The following ABCA12 variants were observed in gnomAD, a reference collection of about 807,000 sequenced individuals.
ABCA12 encodes the protein glucosylceramide transporter ABCA12.
A neutral mutation model predicts 293.5 loss-of-function variants in ABCA12; 156 were observed. The observed-to-expected ratio is 0.53, with a 90% confidence interval of 0.47 to 0.61. The LOEUF (loss-of-function observed/expected upper bound fraction) is 0.61. Ranked by LOEUF, ABCA12 falls within the 20% of genes least tolerant of loss-of-function variation. ABCA12 has a pLI of 0.00. For missense variants in ABCA12, 2,797 were observed against 3,090.2 expected (o/e 0.91, Z 2.25); for synonymous variants, 1,063 against 1,108.0 (o/e 0.96, Z 0.81).
chr2:214,951,469 A>G (rs1698766578), intron 44 of ABCA12, among the ~76,000 whole-genome samples: 1 of 152,196 alleles, frequency 6.6e-6, no homozygotes, highest in South Asian at 2.1e-4. Flanking sequence ...CACCTTTTAA[A>G]AAAATCCTTT....
At chr2:215,074,801 G>A (rs1353962734) in intron 2 of ABCA12, among the ~76,000 whole-genome samples, 1 of 152,026 alleles carries the variant, frequency 6.6e-6, no homozygotes, top group Admixed American at 6.6e-5. Flanking sequence ...AATTAGCTGG[G>A]TGTGGTGGTG....
intron 29 of ABCA12, among the ~76,000 whole-genome samples, chr2:214,983,093 C>T (rs911683277): frequency 3.3e-5 from 5 of 152,192 alleles, no homozygotes; most frequent in South Asian, 2.1e-4. Flanking sequence ...AGGACAGTCA[C>T]GTGTGTAGCT....
In ABCA12 at chr2:215,052,559, A is replaced by T; in HGVS notation, c.435T>A (p.Ser145=). ...SLATVFPSPS[S]DLEIPGTYTF... ...TATATGTTCCGGGGATTTCCAAATC[A>T]GAACTTGGACTGGGAAATACTGTGG... is the stretch of plus-strand genomic sequence containing the variant. Residue 145 remains serine (S), a synonymous_variant, in exon 5 of 53, where the codon TCT becomes TCA. Coordinates refer to ENST00000272895, the MANE Select transcript of ABCA12 (RefSeq NM_173076.3). The T allele has an allele frequency of 6.2e-7, 1 of 1,612,596 alleles. No individual in the cohort carries two copies. Among genetic ancestry groups the T allele is most frequent in the Non-Finnish European group, 8.5e-7 (1 of 1,178,900 alleles).
intron 10 of ABCA12, among the ~76,000 whole-genome samples, chr2:215,026,102 G>T (rs1700739326): frequency 6.6e-6 from 1 of 152,144 alleles, no homozygotes; most frequent in Non-Finnish European, 1.5e-5. Context: ...GAAAGAATAG[G>T]TTATAGAATC....
chr2:214,932,868 C>A, intron 52 of ABCA12, 127 bp from the exon 53 acceptor site: 1 of 720,000 alleles, frequency 1.4e-6, no homozygotes, highest in Non-Finnish European at 2.4e-6. Context: ...GTATGCAGGC[C>A]CCTATAAAAT....
At chr2:214,979,519 C>T (rs1197700770) in intron 31 of ABCA12, among the ~76,000 whole-genome samples, 2 of 151,588 alleles carry the variant, frequency 1.3e-5, no homozygotes, top group Non-Finnish European at 2.9e-5. Flanking sequence ...TAAATATTTA[C>T]TAAAATATTA....
At chr2:214,991,135 G>A in intron 23 of ABCA12, 104 bp from the exon 24 acceptor site, 1 of 1,007,240 alleles carries the variant, frequency 9.9e-7, no homozygotes, top group Non-Finnish European at 1.5e-6. Context: ...CTCTGTATAT[G>A]GAACTAGGCA....
rs763274338 is a variant in ABCA12 at position 214,980,557 on chromosome 2, T to G, written c.4666A>C (p.Arg1556=). ...RIAFLEQGGL[R]CCGSPFYLKE... ...AGGTAAAATGGGGACCCACAGCACC[T>G]AAGCCCACCCTGCTCCAGGAAGGCG... Residue 1556 remains arginine, a synonymous_variant, in exon 31 of 53, where the codon AGG becomes CGG. Transcript: ENST00000272895. 1 of 1,614,046 alleles carries G rather than the reference T, an allele frequency of 6.2e-7. No individual in the cohort carries two copies. Among genetic ancestry groups the G allele is most frequent in the South Asian group, 1.1e-5 (1 of 91,078 alleles).
intron 15 of ABCA12, among the ~76,000 whole-genome samples, chr2:215,014,336 G>A (rs1700442581): frequency 6.7e-6 from 1 of 150,090 alleles, no homozygotes; most frequent in African/African-American, 2.5e-5. Flanking sequence ...TTACTGAAAA[G>A]GTCAATGTTA....
At chr2:214,951,534 A>G (rs182882654) in intron 44 of ABCA12, among the ~76,000 whole-genome samples, 40 of 152,304 alleles carry the variant, frequency 2.6e-4, no homozygotes, top group African/African-American at 9.4e-4. Flanking sequence ...AGGCCGACGG[A>G]TCACCTGAGG....
chr2:215,037,487 T>C (rs1490468885), intron 7 of ABCA12, among the ~76,000 whole-genome samples: 2 of 152,220 alleles, frequency 1.3e-5, no homozygotes, highest in Non-Finnish European at 2.9e-5. Context: ...CAGGAATAAT[T>C]ATTATTTAAG....
At chr2:215,044,715 C>T (rs1360272159) in intron 7 of ABCA12, among the ~76,000 whole-genome samples, 9 of 152,170 alleles carry the variant, frequency 5.9e-5, no homozygotes, top group Admixed American at 5.9e-4. Context: ...ATTTGACCTC[C>T]ATAAGGATTT....
At chr2:214,967,426 G>T (rs750529320) in intron 38 of ABCA12, among the ~76,000 whole-genome samples, 5 of 152,172 alleles carry the variant, frequency 3.3e-5, no homozygotes, top group Non-Finnish European at 7.4e-5. Context: ...ACTAATTTTT[G>T]ATTCCTAATT....
chr2:215,063,420 G>C (rs1434531954), intron 3 of ABCA12, among the ~76,000 whole-genome samples: 7 of 151,908 alleles, frequency 4.6e-5, no homozygotes, highest in Non-Finnish European at 1.5e-5. Flanking sequence ...AGACAGATAG[G>C]CTTCTGGGAG....
At chr2:214,965,005 C>A (rs1481572105) in intron 39 of ABCA12, among the ~76,000 whole-genome samples, 3 of 152,136 alleles carry the variant, frequency 2.0e-5, no homozygotes, top group Non-Finnish European at 2.9e-5. Context: ...ATCAAAAAAG[C>A]ATGGTACTGG....
At chr2:215,078,576 C>A (rs1426563307) in intron 2 of ABCA12, among the ~76,000 whole-genome samples, 1 of 151,496 alleles carries the variant, frequency 6.6e-6, no homozygotes, top group Non-Finnish European at 1.5e-5. Context: ...GATATTGATC[C>A]AGTCTGTGTG....
chr2:215,083,790 G>T (rs1256554505), intron 2 of ABCA12, among the ~76,000 whole-genome samples: 3 of 152,116 alleles, frequency 2.0e-5, no homozygotes, highest in African/African-American at 2.4e-5. Context: ...TCACTGAAAA[G>T]CTAAGTGGCA....
At chr2:214,976,147 T>C in intron 33 of ABCA12, 110 bp from the exon 34 acceptor site, 1 of 1,462,922 alleles carries the variant, frequency 6.8e-7, no homozygotes, top group South Asian at 1.2e-5. Flanking sequence ...GGAAAAGCTT[T>C]TAAAGATTTG....
At chr2:214,994,505 CAAGAA>C (rs1351175338) in intron 23 of ABCA12, among the ~76,000 whole-genome samples, 1 of 152,176 alleles carries the variant, frequency 6.6e-6, no homozygotes, top group Non-Finnish European at 1.5e-5. Flanking sequence ...TAAATACTGC[CAAGAA>C]AAGAAATCAG....
Sources: allele counts gnomAD v4.1 joint callset (sites outside exome capture counted in the v4.1 genomes callset), GRCh38; gene constraint gnomAD v4.1.1; transcripts MANE v1.5; gene names NCBI Gene and HGNC (gene_info 2026-07-23, HGNC 2026-07-21).